SLC8A1: variants seen among roughly 807,000 people sequenced by gnomAD.
The protein encoded by SLC8A1 is solute carrier family 8 member A1, also known as sodium/calcium exchanger 1.
Under a neutral mutation model 68.3 loss-of-function variants are expected in SLC8A1, and 18 were observed. That is an observed-to-expected ratio of 0.26 (90% confidence interval 0.18 to 0.39). SLC8A1 has a LOEUF of 0.39. SLC8A1 is among the 10% of genes least tolerant of loss of function. SLC8A1 has a pLI of 1.00. For missense variants in SLC8A1, 985 were observed against 1,156.7 expected, an observed-to-expected ratio of 0.85 and a Z score of 2.15; for synonymous variants, 475 against 415.5, an observed-to-expected ratio of 1.14 and a Z score of -1.74.
intron 2 of SLC8A1, among the ~76,000 whole-genome samples, chr2:40,206,954 C>A (rs2055571019): frequency 1.3e-5 from 2 of 152,008 alleles, no homozygotes; most frequent in Admixed American, 1.3e-4. Context: ...ATTCTGAATA[C>A]AGAAAAGCTG....
In SLC8A1 at chr2:40,275,954, A is replaced by AT. The variant is rs139050412; in HGVS notation, c.1809-98100dup. ...TTCACTTAGTCTCCTTGAAGGATTC[A>AT]TTTGCCACAGCTCCTGAGTACTCCA... On this transcript the variant is annotated intron_variant, in intron 2 of 7. Coordinates refer to ENST00000406785, the Ensembl canonical transcript of SLC8A1. Among the ~76,000 whole-genome samples, 953 of 152,260 alleles carry AT rather than the reference A, an allele frequency of 6.3e-3. 7 individuals are homozygous for AT. The highest frequency in any genetic ancestry group is 0.021 in the African/African-American group (890 of 41,542).
In SLC8A1 at chr2:40,136,677, T is replaced by A. The variant is rs149315869; in HGVS notation, c.2437+2724A>T. 2.7e-3 allele frequency among the ~76,000 whole-genome samples: 415 copies of A among 152,294 alleles called. 2 individuals carry two copies. The highest frequency in any genetic ancestry group is 9.5e-3 in the African/African-American group (395 of 41,554). On this transcript the variant is annotated intron_variant, in intron 7 of 7. Coordinates refer to ENST00000406785, the Ensembl canonical transcript of SLC8A1. Reference sequence around the variant, plus strand: ...TTATTTTTCTTTATTCTTCTGCCTGTAGCAACTGGGCTTTGTCACCTAGAA... The same window carrying A: ...TTATTTTTCTTTATTCTTCTGCCTGAAGCAACTGGGCTTTGTCACCTAGAA...
At chr2:40,349,038 A>C (rs1670242641) in intron 2 of SLC8A1, among the ~76,000 whole-genome samples, 2 of 152,196 alleles carry the variant, frequency 1.3e-5, no homozygotes, top group Non-Finnish European at 2.9e-5. Context: ...ACACATAAGC[A>C]CAAAATTGTG....
chr2:40,250,122 C>G (rs932967179), intron 2 of SLC8A1, among the ~76,000 whole-genome samples: 1 of 151,868 alleles, frequency 6.6e-6, no homozygotes, highest in Non-Finnish European at 1.5e-5. Flanking sequence ...ATTGTGATGA[C>G]AAATAAATAA....
In SLC8A1 at chr2:40,176,137, A is replaced by T. The variant is rs2048432732; in HGVS notation, c.1913-1295T>A. On this transcript the variant is annotated intron_variant, in intron 3 of 7. Coordinates refer to ENST00000406785, the Ensembl canonical transcript of SLC8A1. Reference sequence around the variant, plus strand: ...GCAACCTTGCTAAATATATCAAATTATTTCCTGAGTTGAAGACGGGAATGT... The same window carrying T: ...GCAACCTTGCTAAATATATCAAATTTTTTCCTGAGTTGAAGACGGGAATGT... Among the ~76,000 whole-genome samples the T allele has an allele frequency of 2.6e-5, 4 of 152,258 alleles. No individual in the cohort carries two copies. In the South Asian group the frequency reaches 8.3e-4, roughly 32 times the overall value.
chr2:40,471,282 G>C (rs1703974981), intron 1 of SLC8A1, among the ~76,000 whole-genome samples: 2 of 152,100 alleles, frequency 1.3e-5, no homozygotes, highest in South Asian at 4.1e-4. Flanking sequence ...TTTTACTGCA[G>C]TGTCCGTTCT....
chr2:40,171,925 G>A (rs1272667237), intron 4 of SLC8A1, among the ~76,000 whole-genome samples: 1 of 152,180 alleles, frequency 6.6e-6, no homozygotes, highest in East Asian at 1.9e-4. Flanking sequence ...AACACTTAAT[G>A]TCCATCACTA....
Position 40,260,389 on chromosome 2 carries a change from T to C in SLC8A1, c.1809-82534A>G, listed in dbSNP as rs530473260. Among the ~76,000 whole-genome samples the C allele has an allele frequency of 6.6e-5, 10 of 152,318 alleles. No homozygotes were observed. In the South Asian group the frequency reaches 1.2e-3, roughly 19 times the overall value. ...CTTGGAATATAAATAACAGCTTCTT[T>C]ACCAACCTCACCAAATCGACTTTTA... On this transcript the variant is annotated intron_variant, in intron 2 of 7. Coordinates refer to ENST00000406785, the Ensembl canonical transcript of SLC8A1.
At chr2:40,367,083 C>G (rs1559406435) in intron 2 of SLC8A1, among the ~76,000 whole-genome samples, 1 of 151,874 alleles carries the variant, frequency 6.6e-6, no homozygotes, top group South Asian at 2.1e-4. Context: ...AGGGATTTTT[C>G]ATAAAAACCA....
At chr2:40,218,271 C>A (rs977994892) in intron 2 of SLC8A1, among the ~76,000 whole-genome samples, 5 of 151,926 alleles carry the variant, frequency 3.3e-5, no homozygotes, top group Admixed American at 3.3e-4. Flanking sequence ...GCTAGCTGTG[C>A]TTTCCTTTGA....
chr2:40,411,978 C>T (rs571937542), intron 2 of SLC8A1, among the ~76,000 whole-genome samples: 5 of 152,068 alleles, frequency 3.3e-5, no homozygotes, highest in Non-Finnish European at 7.4e-5. Context: ...ATATAATTTA[C>T]TTTTCATAAA....
intron 2 of SLC8A1, among the ~76,000 whole-genome samples, chr2:40,380,811 G>C (rs1193684893): frequency 6.6e-6 from 1 of 152,044 alleles, no homozygotes; most frequent in Admixed American, 6.6e-5. Flanking sequence ...GCTAGATCTG[G>C]CCTCCCTACT....
chr2:40,191,771 A>C (rs1268594877), intron 2 of SLC8A1, among the ~76,000 whole-genome samples: 1 of 152,132 alleles, frequency 6.6e-6, no homozygotes, highest in African/African-American at 2.4e-5. Flanking sequence ...AAATTTTTTT[A>C]AATTTTATTA....
intron 2 of SLC8A1, among the ~76,000 whole-genome samples, chr2:40,405,140 G>A (rs1029709807): frequency 2.0e-5 from 3 of 152,168 alleles, no homozygotes; most frequent in African/African-American, 7.2e-5. Flanking sequence ...GGGGAAAAGT[G>A]TCAGGGGAAC....
chr2:40,480,645 C>G (rs1704569962), intron 1 of SLC8A1, among the ~76,000 whole-genome samples: 1 of 152,162 alleles, frequency 6.6e-6, no homozygotes, highest in Non-Finnish European at 1.5e-5. Flanking sequence ...AGTGTATCAG[C>G]TGAATCCTGA....
At chr2:40,389,462 T>G (rs930538079) in intron 2 of SLC8A1, among the ~76,000 whole-genome samples, 2 of 152,136 alleles carry the variant, frequency 1.3e-5, no homozygotes, top group Admixed American at 1.3e-4. Flanking sequence ...TTTTAAAATA[T>G]GTATCATTAA....
intron 2 of SLC8A1, among the ~76,000 whole-genome samples, chr2:40,261,966 C>CTTT (rs35330106): frequency 0.012 from 1,775 of 142,078 alleles, 18 homozygotes; most frequent in Middle Eastern, 0.059. Context: ...TGTCTTTTCA[C>CTTT]TTTTTTTTTT....
intron 2 of SLC8A1, among the ~76,000 whole-genome samples, chr2:40,404,491 A>C (rs189662892): frequency 6.6e-6 from 1 of 152,308 alleles, no homozygotes; most frequent in African/African-American, 2.4e-5. Flanking sequence ...AACAGCTATC[A>C]AATATGTAAA....
At chr2:40,203,980 T>G (rs559010429) in intron 2 of SLC8A1, among the ~76,000 whole-genome samples, 1 of 152,154 alleles carries the variant, frequency 6.6e-6, no homozygotes, top group Non-Finnish European at 1.5e-5. Context: ...CCTCCCAAAG[T>G]GCTGGGATTA....
Sources: gnomAD v4.1 joint callset for allele counts (sites outside exome capture counted in the v4.1 genomes callset) on GRCh38, gnomAD v4.1.1 for gene constraint, MANE v1.5 for transcripts, NCBI Gene and HGNC (gene_info 2026-07-23, HGNC 2026-07-21) for gene names.